COMMD10: variants seen among roughly 807,000 people sequenced by gnomAD.
COMMD10 encodes COMM domain-containing protein 10.
In COMMD10, 33 loss-of-function variants were observed where a neutral mutation model predicts 28.9. The observed-to-expected ratio is 1.14, with a 90% CI of 0.87 to 1.53. The LOEUF is 1.53. Ranked by LOEUF, COMMD10 falls within the 40% of genes most tolerant of loss-of-function variation. The pLI is 0.00. For synonymous variants in COMMD10, 110 were observed against 81.7 expected (o/e 1.35, Z -1.87); for missense variants, 310 against 233.4 (o/e 1.33, Z -2.14).
In COMMD10 at chr5:116,215,202, G is replaced by A. The variant is rs539950715; in HGVS notation, c.511-76315G>A. Among the ~76,000 whole-genome samples, 3 of 151,728 alleles carry A rather than the reference G, an allele frequency of 2.0e-5. No homozygotes were observed. In the South Asian group the frequency reaches 6.3e-4, roughly 32 times the overall value. ...TAAATAGTGTTTGAATCGGCAAATGGGTAAAAAATTTGGGTGTTATGGAAT... is the reference window on the plus strand; with the variant it reads ...TAAATAGTGTTTGAATCGGCAAATGAGTAAAAAATTTGGGTGTTATGGAAT... On this transcript the variant is annotated intron_variant, in intron 5 of 6. Coordinates refer to ENST00000274458, the MANE Select transcript of COMMD10 (RefSeq NM_016144.4).
chr5:116,244,660 C>CAAAAAAAAAAAAAAAAAAAAAAAAATTA (rs60360733), intron 5 of COMMD10, among the ~76,000 whole-genome samples: 1 of 79,486 alleles, frequency 1.3e-5, no homozygotes, highest in African/African-American at 3.6e-5. Flanking sequence ...AAAAAAATTA[C>CAAAAAAAAAAAAAAAAAAAAAAAAATTA]AAAAAAAAAA....
intron 5 of COMMD10, among the ~76,000 whole-genome samples, chr5:116,159,780 G>A (rs890578655): frequency 2.0e-5 from 3 of 152,102 alleles, no homozygotes; most frequent in African/African-American, 7.2e-5. Context: ...GCCTTAAAAA[G>A]TAAGTGAAAA....
intron 5 of COMMD10, among the ~76,000 whole-genome samples, chr5:116,218,894 T>A (rs1749172344): frequency 1.3e-5 from 2 of 152,282 alleles, no homozygotes; most frequent in African/African-American, 4.8e-5. Context: ...GATTGAATTG[T>A]GCTTCCTCAA....
rs1382038294 is a variant in COMMD10, at chr5:116,255,234, G to A, written c.511-36283G>A. On this transcript the variant is annotated intron_variant, in intron 5 of 6. Coordinates refer to ENST00000274458, the MANE Select transcript of COMMD10 (RefSeq NM_016144.4). ...GTTTCCTGAACACAGCACACTGATGGGTCTTGACTCTTTATCCAATTTGCC... is the reference window on the plus strand; with the variant it reads ...GTTTCCTGAACACAGCACACTGATGAGTCTTGACTCTTTATCCAATTTGCC... Among the ~76,000 whole-genome samples, 5 of 151,608 alleles carry A rather than the reference G, an allele frequency of 3.3e-5. No individual in the cohort carries two copies. The East Asian group carries it at 9.6e-4, about 29-fold the overall frequency.
chr5:116,194,661 A>G (rs1009319050), intron 5 of COMMD10, among the ~76,000 whole-genome samples: 7 of 152,178 alleles, frequency 4.6e-5, no homozygotes, highest in Non-Finnish European at 1.0e-4. Context: ...ACAAGCAGTG[A>G]GATTGAAATG....
At chr5:116,238,660 A>G (rs569175685) in intron 5 of COMMD10, among the ~76,000 whole-genome samples, 1 of 152,304 alleles carries the variant, frequency 6.6e-6, no homozygotes, top group Non-Finnish European at 1.5e-5. Flanking sequence ...CAATTTAACA[A>G]CATCAATTCT....
chr5:116,251,628 A>C (rs1249767595), intron 5 of COMMD10, among the ~76,000 whole-genome samples: 10 of 150,124 alleles, frequency 6.7e-5, no homozygotes, highest in South Asian at 2.1e-4. Context: ...TGAACTCATC[A>C]TTTTTTATGG....
intron 4 of COMMD10, among the ~76,000 whole-genome samples, chr5:116,124,855 A>C (rs756010190): frequency 2.0e-5 from 3 of 151,772 alleles, no homozygotes; most frequent in Non-Finnish European, 2.9e-5. Flanking sequence ...ATCTTTGTTT[A>C]AAGTCTGTTT....
chr5:116,230,412 A>G (rs1054144532), intron 5 of COMMD10, among the ~76,000 whole-genome samples: 6 of 152,056 alleles, frequency 3.9e-5, no homozygotes, highest in African/African-American at 1.4e-4. Context: ...AATTTAATAA[A>G]TTCATTTTTC....
intron 4 of COMMD10, among the ~76,000 whole-genome samples, chr5:116,115,574 G>T (rs906576008): frequency 6.6e-6 from 1 of 151,724 alleles, no homozygotes; most frequent in African/African-American, 2.4e-5. Flanking sequence ...CTTCTAACAG[G>T]GTTTTCTGTT....
intron 5 of COMMD10, among the ~76,000 whole-genome samples, chr5:116,276,378 A>T (rs1268564769): frequency 6.6e-6 from 1 of 151,528 alleles, no homozygotes; most frequent in African/African-American, 2.4e-5. Context: ...CCAGCCTCCC[A>T]AGTAGTTGGG....
At chr5:116,251,240 T>C (rs1432577579) in intron 5 of COMMD10, among the ~76,000 whole-genome samples, 1 of 151,314 alleles carries the variant, frequency 6.6e-6, no homozygotes, top group Non-Finnish European at 1.5e-5. Flanking sequence ...CACAGATTTT[T>C]CAAAAATTAA....
intron 5 of COMMD10, among the ~76,000 whole-genome samples, chr5:116,281,059 A>C (rs974719087): frequency 6.6e-6 from 1 of 151,898 alleles, no homozygotes; most frequent in Admixed American, 6.6e-5. Flanking sequence ...TTGAAAAGAT[A>C]ATTGCATCAT....
At chr5:116,277,008 T>G (rs1375239781) in intron 5 of COMMD10, among the ~76,000 whole-genome samples, 1 of 151,830 alleles carries the variant, frequency 6.6e-6, no homozygotes, top group Non-Finnish European at 1.5e-5. Flanking sequence ...AATTATGCAC[T>G]TTAAGTGGGT....
chr5:116,271,386 C>T (rs1454649666), intron 5 of COMMD10, among the ~76,000 whole-genome samples: 3 of 149,248 alleles, frequency 2.0e-5, no homozygotes, highest in Non-Finnish European at 4.4e-5. Flanking sequence ...ATTTCCATAA[C>T]CATTTTAGTA....
At chr5:116,152,477 T>C (rs1235564691) in intron 5 of COMMD10, among the ~76,000 whole-genome samples, 3 of 152,082 alleles carry the variant, frequency 2.0e-5, no homozygotes, top group Admixed American at 2.0e-4. Flanking sequence ...TCATCCTCAA[T>C]TTTAATACTT....
intron 5 of COMMD10, among the ~76,000 whole-genome samples, chr5:116,159,933 C>A (rs1009295951): frequency 1.3e-5 from 2 of 152,082 alleles, no homozygotes; most frequent in Admixed American, 6.5e-5. Flanking sequence ...ATGTCATTTA[C>A]AATATGAATA....
At chr5:116,260,861 A>G (rs1435400194) in intron 5 of COMMD10, among the ~76,000 whole-genome samples, 4 of 151,822 alleles carry the variant, frequency 2.6e-5, no homozygotes, top group Admixed American at 1.3e-4. Flanking sequence ...ATATTTACAT[A>G]GGGTTTATTT....
intron 4 of COMMD10, among the ~76,000 whole-genome samples, chr5:116,128,976 G>A (rs1313602968): frequency 6.6e-6 from 1 of 151,780 alleles, no homozygotes; most frequent in Non-Finnish European, 1.5e-5. Context: ...GATCCCTTGG[G>A]TAAGGTGAGG....
Sources: gnomAD v4.1 joint callset for allele counts (sites outside exome capture counted in the v4.1 genomes callset) on GRCh38, gnomAD v4.1.1 for gene constraint, MANE v1.5 for transcripts, NCBI Gene and HGNC (gene_info 2026-07-23, HGNC 2026-07-21) for gene names.